Variants in TTF2 observed in about 807,000 individuals in gnomAD.
TTF2 encodes the protein transcription termination factor 2.
In TTF2, 108 loss-of-function variants were observed where a neutral mutation model predicts 142.4. The observed-to-expected ratio is 0.76, with a 90% CI of 0.65 to 0.89. The LOEUF is 0.89. Ranked by LOEUF, TTF2 falls within the 40% of genes least tolerant of loss-of-function variation. The probability of loss-of-function intolerance (pLI) is 0.00; values close to 1 mark genes in which losing one functional copy is unlikely to be tolerated. For synonymous variants in TTF2, 483 were observed against 506.2 expected (o/e 0.95, Z 0.61); for missense variants, 1,327 against 1,379.8 (o/e 0.96, Z 0.61).
Position 117,086,881 on chromosome 1 carries a change from G to C in TTF2, c.2160+359G>C, listed in dbSNP as rs537592575. On this transcript the variant is annotated intron_variant, in intron 12 of 22. Transcript: ENST00000369466. The surrounding 1 kb of genome is among the most constrained non-coding windows in gnomAD (Gnocchi z 4.2). Reference sequence around the variant, plus strand: ...TGATATTTTTAATATTTATTGTGCAGACTAGTATTTTACTACTAGTATTTT... The same window carrying C: ...TGATATTTTTAATATTTATTGTGCACACTAGTATTTTACTACTAGTATTTT... Among the ~76,000 whole-genome samples the C allele has an allele frequency of 1.3e-5, 2 of 151,890 alleles. No individual in the cohort carries two copies. Among genetic ancestry groups the C allele is most frequent in the Admixed American group, 6.6e-5 (1 of 15,260 alleles).
chr1:117,081,685 C>T (rs751038107), intron 9 of TTF2, 143 bp from the exon 10 acceptor site: 1 of 962,734 alleles, frequency 1.0e-6, no homozygotes, highest in Non-Finnish European at 1.5e-6. Flanking sequence ...ATAAAGGAGC[C>T]ATTAAGGTAG....
intron 12 of TTF2, among the ~76,000 whole-genome samples, 164 bp from the exon 13 acceptor site, chr1:117,088,637 C>G (rs1055162678): frequency 2.0e-5 from 3 of 152,118 alleles, no homozygotes; most frequent in Admixed American, 2.0e-4. Context: ...CCAGTTGAGA[C>G]GTTTTACTCT....
chr1:117,088,454 G>A lies in TTF2; in HGVS notation c.2161-347G>A, dbSNP rs190366899. Among the ~76,000 whole-genome samples, 218 of 152,164 alleles carry A rather than the reference G, an allele frequency of 1.4e-3. 3 individuals are homozygous for A. The highest frequency in any genetic ancestry group is 4.8e-3 in the African/African-American group (200 of 41,544). On this transcript the variant is annotated intron_variant, in intron 12 of 22. Coordinates refer to ENST00000369466, the MANE Select transcript of TTF2 (RefSeq NM_003594.4). ...CGGGAGGCTGAGGCAGGAGAATGGCGTGAAGCCCGGAGGCGGAGCTTGCAG... is the reference window on the plus strand; with the variant it reads ...CGGGAGGCTGAGGCAGGAGAATGGCATGAAGCCCGGAGGCGGAGCTTGCAG...
At chr1:117,061,616 A>C (rs564428575) in intron 2 of TTF2, among the ~76,000 whole-genome samples, 265 of 152,332 alleles carry the variant, frequency 1.7e-3, no homozygotes, top group Middle Eastern at 3.4e-3. Context: ...TATAGTACCC[A>C]GGTCAAGTTT....
At position 117,085,127 on chromosome 1, in the gene TTF2, T is replaced by C. The variant is rs1647893200; in HGVS notation, c.2054+959T>C. Among the ~76,000 whole-genome samples the C allele has an allele frequency of 6.6e-6, 1 of 152,262 alleles. No homozygotes were observed. Among genetic ancestry groups the C allele is most frequent in the African/African-American group, 2.4e-5 (1 of 41,468 alleles). ...ATTTGTACTTTGAGCCTAACTTGTT[T>C]GGTATTTAGAATGTACTAGTTGACC... is the stretch of plus-strand genomic sequence containing the variant. On this transcript the variant is annotated intron_variant, in intron 11 of 22. Transcript: ENST00000369466. This position sits in a 1 kb window ranked among gnomAD's most constrained non-coding sequence, Gnocchi z 4.7.
In TTF2 at chr1:117,106,037, A is replaced by G. The variant is rs1431837353; in HGVS notation, c.*4513A>G. On this transcript the variant is annotated 3_prime_UTR_variant, in exon 23 of 23. Coordinates refer to ENST00000369466, the MANE Select transcript of TTF2 (RefSeq NM_003594.4). ...CTGTCAACTCTAATACCTTGAAAGA[A>G]TTAGGTTTCCAAAGTGGGATATTGT... The G allele has an allele frequency of 6.6e-6, 1 of 152,210 alleles. No homozygotes were observed. Among genetic ancestry groups the G allele is most frequent in the African/African-American group, 2.4e-5 (1 of 41,452 alleles). The allele number at this position is 152,210 out of a possible 1,614,324, so 9.4% of individuals were successfully genotyped here. A position where few individuals can be genotyped will look rare whatever the true frequency, so the allele number is the denominator to read the frequency against.
At position 117,101,597 on chromosome 1, in the gene TTF2, A is replaced by C; in HGVS notation, c.*73A>C. The C allele has an allele frequency of 7.0e-7, 1 of 1,428,580 alleles. No homozygotes were observed. Among genetic ancestry groups the C allele is most frequent in the East Asian group, 2.5e-5 (1 of 40,776 alleles). 88.5% of individuals were successfully genotyped at this position (1,428,580 alleles called of 1,614,324 possible). ...AGGATCTGGGAATAACAACCTAACC[A>C]TGAGCCTTGAACTCTGTTCTTTGCA... On this transcript the variant is annotated 3_prime_UTR_variant, in exon 23 of 23. Transcript: ENST00000369466. This position sits in a 1 kb window ranked among gnomAD's most constrained non-coding sequence, Gnocchi z 5.9.
chr1:117,075,719 G>C lies in TTF2; in HGVS notation c.1135G>C (p.Glu379Gln), dbSNP rs751334441. ...ACTCTTTGACTCGACTCTGGACTTAGAGACGAAGGAAAACCTCCAATTCCC... is the reference window on the plus strand; with the variant it reads ...ACTCTTTGACTCGACTCTGGACTTACAGACGAAGGAAAACCTCCAATTCCC... ...PLLFDSTLDL[E>Q]TKENLQFPDR... is the part of the protein sequence containing the mutation. Residue 379 changes from glutamate (E) to glutamine (Q), a missense_variant, in exon 5 of 23, where the codon GAG becomes CAG. Transcript: ENST00000369466. This position sits in a 1 kb window ranked among gnomAD's most constrained non-coding sequence, Gnocchi z 4.5. 6.2e-7 allele frequency: 1 copy of C among 1,614,212 alleles called. No individual in the cohort carries two copies. Among genetic ancestry groups the C allele is most frequent in the Admixed American group, 1.7e-5 (1 of 60,012 alleles).
intron 10 of TTF2, among the ~76,000 whole-genome samples, chr1:117,082,699 T>C (rs1647630147): frequency 1.3e-5 from 2 of 152,178 alleles, no homozygotes; most frequent in Admixed American, 1.3e-4. Flanking sequence ...GTTTTTAAAA[T>C]GTAGTAACTT....
At position 117,086,469 on chromosome 1, in the gene TTF2, AT is replaced by A; in HGVS notation, c.2109del (p.Thr705GlnfsTer25). On this transcript the variant is annotated frameshift_variant, in exon 12 of 23. Coordinates refer to ENST00000369466, the MANE Select transcript of TTF2 (RefSeq NM_003594.4). LOFTEE classifies it high-confidence loss of function. The surrounding 1 kb of genome is among the most constrained non-coding windows in gnomAD (Gnocchi z 4.2). ...TACCTATAGCCTCGTGGCCAAGGAG[AT>A]TCCCACAAACAAGCAAGAGGCAGAG... ...ITTYSLVAKEIPTNKQEAEIP... is the reference protein window; with the variant it reads ...ITTYSLVAKEXPTNKQEAEIP... 1.2e-6 allele frequency: 2 copies of A among 1,614,048 alleles called. No homozygotes were observed. The highest frequency in any genetic ancestry group is 1.7e-6 in the Non-Finnish European group (2 of 1,180,000).
rs1648054273 is a variant in TTF2 at position 117,086,782 on chromosome 1, G to A, written c.2160+260G>A. On this transcript the variant is annotated intron_variant, in intron 12 of 22. Coordinates refer to ENST00000369466, the MANE Select transcript of TTF2 (RefSeq NM_003594.4). The surrounding 1 kb of genome is among the most constrained non-coding windows in gnomAD (Gnocchi z 4.2). ...AGATGACTGCATTGTATTTGTGGGG[G>A]TAATAATCACCTGAATATATAAAAG... 6.6e-6 allele frequency among the ~76,000 whole-genome samples: 1 copy of A among 152,102 alleles called. No homozygotes were observed. The highest frequency in any genetic ancestry group is 2.1e-4 in the South Asian group (1 of 4,826).
At chr1:117,078,104 A>G (rs1289274551) in intron 8 of TTF2, 61 bp downstream of exon 8, 11 of 1,580,684 alleles carry the variant, frequency 7.0e-6, no homozygotes. Context: ...GCCCCATGAA[A>G]CTGCTGGCAG....
rs1657062260 is a variant in TTF2, at chr1:117,076,957, G to A, written c.1573+134G>A. The stretch of plus-strand genomic sequence containing the variant: ...TGTGGTTCAAAAAAAGGTGAGTACA[G>A]TACAGTAAGATATTTTGAGAGAGAA... On this transcript the variant is annotated intron_variant, in intron 7 of 22. Coordinates refer to ENST00000369466, the MANE Select transcript of TTF2 (RefSeq NM_003594.4). This position sits in a 1 kb window ranked among gnomAD's most constrained non-coding sequence, Gnocchi z 4.6. 3.3e-6 allele frequency: 2 copies of A among 599,734 alleles called. No individual in the cohort carries two copies. The highest frequency in any genetic ancestry group is 3.9e-5 in the Admixed American group (1 of 25,952). The allele number at this position is 599,734 out of a possible 1,614,324, so 37.2% of individuals were successfully genotyped here.
In TTF2 at chr1:117,077,970, T is replaced by A. The variant is rs1657151619; in HGVS notation, c.1628T>A (p.Ile543Asn). ...GTGTGGAAAATCACAAGTGAAGCCA[T>A]CGGTCAACTGCATCGCTCACTTGAG... Reference protein sequence around the residue: ...HAVWKITSEAIGQLHRSLESC... With the variant: ...HAVWKITSEANGQLHRSLESC... Residue 543 changes from isoleucine (I) to asparagine (N), a missense_variant, in exon 8 of 23, where the codon ATC becomes AAC. Coordinates refer to ENST00000369466, the MANE Select transcript of TTF2 (RefSeq NM_003594.4). 2 of 1,614,158 alleles carry A rather than the reference T, an allele frequency of 1.2e-6. No homozygotes were observed. The highest frequency in any genetic ancestry group is 1.7e-6 in the Non-Finnish European group (2 of 1,180,010).
chr1:117,101,687 G>A lies in TTF2; in HGVS notation c.*163G>A. On this transcript the variant is annotated 3_prime_UTR_variant, in exon 23 of 23. Transcript: ENST00000369466. The surrounding 1 kb of genome is among the most constrained non-coding windows in gnomAD (Gnocchi z 5.9). ...GAGGCATAATCTTATCCCCAGAATT[G>A]AGGAGGGGTTGTGTTAACCAATTAG... 4 of 706,156 alleles carry A rather than the reference G, an allele frequency of 5.7e-6. No individual in the cohort carries two copies. The highest frequency in any genetic ancestry group is 8.4e-6 in the Non-Finnish European group (4 of 478,224). 43.7% of individuals were successfully genotyped at this position (706,156 alleles called of 1,614,324 possible). A position where few individuals can be genotyped will look rare whatever the true frequency, so the allele number is the denominator to read the frequency against.
Position 117,090,585 on chromosome 1 carries a change from T to A in TTF2, c.2550T>A (p.Asp850Glu), listed in dbSNP as rs753946430. ...FQLHHLKLSE[D>E]EETVYNVFFA... The stretch of plus-strand genomic sequence containing the variant: ...TGCACCATTTAAAGCTTTCTGAAGA[T>A]GAAGAGACTGTTTACAATGTGTTTT... The change falls in exon 15 of 23, where the codon GAT becomes GAA. Residue 850 changes from aspartate (D) to glutamate (E), a missense_variant. Asp to Glu is a conservative substitution (Grantham distance 45). Transcript: ENST00000369466. The surrounding 1 kb of genome is among the most constrained non-coding windows in gnomAD (Gnocchi z 4.8). 6.2e-7 allele frequency: 1 copy of A among 1,614,056 alleles called. No individual in the cohort carries two copies. The highest frequency in any genetic ancestry group is 8.5e-7 in the Non-Finnish European group (1 of 1,180,020).
Position 117,103,809 on chromosome 1 carries a change from T to G in TTF2, c.*2285T>G, listed in dbSNP as rs1192458523. The G allele has an allele frequency of 4.6e-5, 7 of 152,350 alleles. No homozygotes were observed. The highest frequency in any genetic ancestry group is 1.7e-4 in the African/African-American group (7 of 41,428). 9.4% of individuals were successfully genotyped at this position (152,350 alleles called of 1,614,324 possible). A position where few individuals can be genotyped will look rare whatever the true frequency, so the allele number is the denominator to read the frequency against. On this transcript the variant is annotated 3_prime_UTR_variant, in exon 23 of 23. Coordinates refer to ENST00000369466, the MANE Select transcript of TTF2 (RefSeq NM_003594.4). Reference sequence around the variant, plus strand: ...CTCTACTAAAAATACAAAAATTAGCTGAGCGTGGTGGCGTGCGCCTGTAGT... The same window carrying G: ...CTCTACTAAAAATACAAAAATTAGCGGAGCGTGGTGGCGTGCGCCTGTAGT...
intron 4 of TTF2, among the ~76,000 whole-genome samples, chr1:117,074,109 G>A (rs905225052): frequency 6.6e-6 from 1 of 152,150 alleles, no homozygotes; most frequent in Admixed American, 6.5e-5. Flanking sequence ...ACTAGGAGGA[G>A]CATCTCCTAA....
In TTF2 at chr1:117,106,172, A is replaced by G. The variant is rs1649917319; in HGVS notation, c.*4648A>G. 6.6e-6 allele frequency: 1 copy of G among 152,178 alleles called. No individual in the cohort carries two copies. The highest frequency in any genetic ancestry group is 2.1e-4 in the South Asian group (1 of 4,830). 9.4% of individuals were successfully genotyped at this position (152,178 alleles called of 1,614,324 possible). Reference sequence around the variant, plus strand: ...ATAGAAATTCAGAATTCCTAGGCATATGACCTAGACTAAAATGTCTTCATA... The same window carrying G: ...ATAGAAATTCAGAATTCCTAGGCATGTGACCTAGACTAAAATGTCTTCATA... On this transcript the variant is annotated 3_prime_UTR_variant, in exon 23 of 23. Coordinates refer to ENST00000369466, the MANE Select transcript of TTF2 (RefSeq NM_003594.4).
Sources: allele counts gnomAD v4.1 joint callset (sites outside exome capture counted in the v4.1 genomes callset), GRCh38; gene constraint gnomAD v4.1.1; non-coding constraint Gnocchi (gnomAD v3.1); transcripts MANE v1.5; gene names NCBI Gene and HGNC (gene_info 2026-07-23, HGNC 2026-07-21).